The following HNF4G variants were observed in gnomAD, a reference collection of about 807,000 sequenced individuals.
HNF4G encodes the protein hepatocyte nuclear factor 4 gamma.
Under a neutral mutation model 50.9 loss-of-function variants are expected in HNF4G, and 21 were observed. The observed-to-expected ratio is 0.41, with a 90% CI of 0.29 to 0.59. HNF4G has a LOEUF of 0.59. HNF4G is among the 20% of genes least tolerant of loss of function. The pLI is 0.26. For synonymous variants in HNF4G, 198 were observed against 185.6 expected (o/e 1.07, Z -0.54); for missense variants, 527 against 559.4 (o/e 0.94, Z 0.58).
At chr8:75,408,449 A>G (rs1331043855) in intron 1 of HNF4G, among the ~76,000 whole-genome samples, 1 of 152,106 alleles carries the variant, frequency 6.6e-6, no homozygotes, top group Non-Finnish European at 1.5e-5. Context: ...GTCCTGCAGC[A>G]TCACCCCATG....
chr8:75,563,912 G>A (rs1807389828), intron 9 of HNF4G, 63 bp from the exon 10 acceptor site: 2 of 1,578,244 alleles, frequency 1.3e-6, no homozygotes, highest in Non-Finnish European at 1.7e-6. Context: ...TGTTATGTAG[G>A]GTTTAATGGG....
intron 1 of HNF4G, among the ~76,000 whole-genome samples, chr8:75,423,815 C>T (rs200324516): frequency 2.2e-3 from 153 of 71,096 alleles, no homozygotes; most frequent in South Asian, 3.7e-3. Context: ...AAGTTTCTTT[C>T]TTTTTTTTTT....
chr8:75,502,256 T>C (rs1168624368), intron 2 of HNF4G, among the ~76,000 whole-genome samples: 1 of 152,168 alleles, frequency 6.6e-6, no homozygotes, highest in East Asian at 1.9e-4. Context: ...TAAAATAAAG[T>C]ATATATAAAA....
intron 1 of HNF4G, among the ~76,000 whole-genome samples, chr8:75,434,593 C>A: frequency 6.6e-6 from 1 of 150,650 alleles, no homozygotes. Context: ...AATACAATAG[C>A]GAATGAAAAA....
chr8:75,532,038 T>C (rs1048134137), intron 2 of HNF4G, among the ~76,000 whole-genome samples: 1 of 152,128 alleles, frequency 6.6e-6, no homozygotes, highest in Non-Finnish European at 1.5e-5. Flanking sequence ...CTTTCATTTA[T>C]AACTTTTGGC....
Position 75,426,511 on chromosome 8 carries a change from T to G in HNF4G, c.-144+18349T>G, listed in dbSNP as rs530347745. 7.2e-5 allele frequency among the ~76,000 whole-genome samples: 11 copies of G among 152,310 alleles called. 1 individual carries two copies. In the East Asian group the frequency reaches 2.1e-3, roughly 29 times the overall value. On this transcript the variant is annotated intron_variant, in intron 1 of 10. Transcript: ENST00000354370. Reference sequence around the variant, plus strand: ...ACCAGGAAGTGAACTCAGAAAAAATTTCCTTCAACACAGGCTTTCATTTGT... The same window carrying G: ...ACCAGGAAGTGAACTCAGAAAAAATGTCCTTCAACACAGGCTTTCATTTGT...
intron 1 of HNF4G, among the ~76,000 whole-genome samples, chr8:75,448,487 T>TAAAAAAAAAAAAAAAACAAATACCTTA (rs36100694): frequency 9.4e-6 from 1 of 105,862 alleles, no homozygotes; most frequent in African/African-American, 3.6e-5. Context: ...AAGACCTCTT[T>TAAAAAAAAAAAAAAAACAAATACCTTA]AAAAAAAAAA....
intron 1 of HNF4G, among the ~76,000 whole-genome samples, chr8:75,464,443 G>GT (rs1315864869): frequency 6.6e-6 from 1 of 151,896 alleles, no homozygotes; most frequent in East Asian, 1.9e-4. Flanking sequence ...CTTATCCTCA[G>GT]TTTTTTACCC....
At chr8:75,462,414 G>A (rs1458541317) in intron 1 of HNF4G, among the ~76,000 whole-genome samples, 7 of 152,300 alleles carry the variant, frequency 4.6e-5, no homozygotes, top group Non-Finnish European at 8.8e-5. Context: ...TGAATAGGGT[G>A]TACAGAGTGG....
rs568052555 is a variant in HNF4G at position 75,525,960 on chromosome 8, A to G, written c.-23-17851A>G. On this transcript the variant is annotated intron_variant, in intron 2 of 10. Transcript: ENST00000354370. ...TGTAAAGGATGAATCAGAAGCATAT[A>G]ATTTTAAATAAAAATATTTACTGCA... Among the ~76,000 whole-genome samples, 11 of 152,288 alleles carry G rather than the reference A, an allele frequency of 7.2e-5. No individual in the cohort carries two copies. In the South Asian group the frequency reaches 2.1e-3, roughly 29 times the overall value.
chr8:75,409,480 CTTTTTTTTTTT>C (rs5892492), intron 1 of HNF4G, among the ~76,000 whole-genome samples: 1 of 67,346 alleles, frequency 1.5e-5, no homozygotes, highest in Admixed American at 2.2e-4. Flanking sequence ...GTGCCTTGTT[CTTTTTTTTTTT>C]TTTTTTTTTT....
chr8:75,526,701 T>TA (rs199691065), intron 2 of HNF4G, among the ~76,000 whole-genome samples: 26 of 150,636 alleles, frequency 1.7e-4, no homozygotes, highest in African/African-American at 5.9e-4. Context: ...CAAGACTAAT[T>TA]AAAATTTTTT....
intron 1 of HNF4G, among the ~76,000 whole-genome samples, chr8:75,442,854 A>G (rs937516755): frequency 6.6e-6 from 1 of 152,168 alleles, no homozygotes; most frequent in East Asian, 1.9e-4. Context: ...TGAGTCTGCC[A>G]GAACAACTAT....
intron 2 of HNF4G, among the ~76,000 whole-genome samples, chr8:75,523,988 GATT>G (rs1196446183): frequency 6.7e-6 from 1 of 150,324 alleles, no homozygotes; most frequent in Non-Finnish European, 1.5e-5. Flanking sequence ...TCTGCTGTGA[GATT>G]ATATCTCAAG....
intron 1 of HNF4G, among the ~76,000 whole-genome samples, chr8:75,481,628 C>T (rs1376363947): frequency 8.6e-5 from 13 of 152,042 alleles, no homozygotes; most frequent in Non-Finnish European, 2.9e-5. Flanking sequence ...AACGGTGGGA[C>T]CCCAAGGCAC....
chr8:75,475,395 A>G (rs966236990), intron 1 of HNF4G, among the ~76,000 whole-genome samples: 2 of 152,226 alleles, frequency 1.3e-5, no homozygotes, highest in Admixed American at 6.5e-5. Flanking sequence ...TTATTAAAGG[A>G]AATATATGAC....
intron 1 of HNF4G, among the ~76,000 whole-genome samples, chr8:75,439,999 C>T (rs1213321600): frequency 2.0e-5 from 3 of 151,794 alleles, no homozygotes; most frequent in Non-Finnish European, 2.9e-5. Flanking sequence ...GCTTCTTAAT[C>T]TGCATAACTA....
At chr8:75,449,775 G>A (rs756924082) in intron 1 of HNF4G, among the ~76,000 whole-genome samples, 2 of 151,962 alleles carry the variant, frequency 1.3e-5, no homozygotes, top group Non-Finnish European at 2.9e-5. Flanking sequence ...CCAAAGTGCT[G>A]GGATTACAGG....
rs191023030 is a variant in HNF4G, at chr8:75,475,796, A to C, written c.-143-14293A>C. ...CCTTATTTTTCATTTATAATAAACCATAGAAGTACAATTTATATTATAGGG... is the reference window on the plus strand; with the variant it reads ...CCTTATTTTTCATTTATAATAAACCCTAGAAGTACAATTTATATTATAGGG... On this transcript the variant is annotated intron_variant, in intron 1 of 10. Coordinates refer to the HNF4G transcript ENST00000354370. Among the ~76,000 whole-genome samples the C allele has an allele frequency of 4.0e-3, 607 of 152,276 alleles. 4 individuals carry two copies. Among genetic ancestry groups the C allele is most frequent in the African/African-American group, 0.014 (578 of 41,574 alleles).
Sources: allele counts gnomAD v4.1 joint callset (sites outside exome capture counted in the v4.1 genomes callset), GRCh38; gene constraint gnomAD v4.1.1; transcripts MANE v1.5; gene names NCBI Gene and HGNC (gene_info 2026-07-23, HGNC 2026-07-21).